Variants in FAM185A observed in about 807,000 individuals in gnomAD.
FAM185A encodes protein FAM185A.
In FAM185A, 21 loss-of-function variants were observed where a neutral mutation model predicts 45.7. That is an observed-to-expected ratio of 0.46 (90% CI 0.33 to 0.66). The LOEUF (loss-of-function observed/expected upper bound fraction) is 0.66, where lower values mean the gene tolerates loss of function less well. Among genes scored for constraint, FAM185A ranks in the 30% least tolerant of loss-of-function variants. The pLI is 0.03. For missense variants in FAM185A, 305 were observed against 485.4 expected (o/e 0.63, Z 3.49); for synonymous variants, 117 against 194.0 (o/e 0.60, Z 3.30).
chr7:102,820,485 T>A, the FAM185A span, among the ~76,000 whole-genome samples: 1 of 152,220 alleles, frequency 6.6e-6, no homozygotes, highest in African/African-American at 2.4e-5. Context: ...GTATATTTTT[T>A]AAATCTAGGG....
chr7:102,763,151 C>CA (rs1794205194), intron 4 of FAM185A, among the ~76,000 whole-genome samples: 2 of 151,466 alleles, frequency 1.3e-5, no homozygotes, highest in African/African-American at 4.9e-5. Context: ...TACAGTTTAT[C>CA]ATTAATTGCC....
chr7:102,823,281 T>A, the FAM185A span, among the ~76,000 whole-genome samples: 1 of 152,150 alleles, frequency 6.6e-6, no homozygotes, highest in Non-Finnish European at 1.5e-5. Flanking sequence ...TTTAATAACA[T>A]TACATGCTAC....
the FAM185A span, among the ~76,000 whole-genome samples, chr7:102,847,872 C>T: frequency 6.6e-6 from 1 of 152,098 alleles, no homozygotes; most frequent in Non-Finnish European, 1.5e-5. Context: ...TGACCATCAT[C>T]TATTGGTTTT....
the FAM185A span, among the ~76,000 whole-genome samples, chr7:102,838,458 AT>A: frequency 6.7e-6 from 1 of 150,284 alleles, no homozygotes. Flanking sequence ...TAAAAAAAAA[AT>A]TTTTTTTTTG....
At chr7:102,753,493 T>C (rs1393732457) in intron 2 of FAM185A, among the ~76,000 whole-genome samples, 1 of 152,134 alleles carries the variant, frequency 6.6e-6, no homozygotes, top group East Asian at 1.9e-4. Flanking sequence ...TCTTGTGCAG[T>C]ATAGGATATT....
chr7:102,846,029 G>A, the FAM185A span, among the ~76,000 whole-genome samples: 1 of 152,042 alleles, frequency 6.6e-6, no homozygotes, highest in African/African-American at 2.4e-5. Flanking sequence ...TTGTAAAATG[G>A]AATTAAAAGT....
chr7:102,843,507 G>A, the FAM185A span, among the ~76,000 whole-genome samples: 2 of 152,248 alleles, frequency 1.3e-5, no homozygotes, highest in South Asian at 4.2e-4. Context: ...GGGTACGGTG[G>A]CTCACGTCTG....
At chr7:102,823,521 T>C in the FAM185A span, among the ~76,000 whole-genome samples, 1,654 of 152,288 alleles carry the variant, frequency 0.011, 35 homozygotes, top group African/African-American at 0.038. Context: ...GGTTCCAACA[T>C]ATCACAGTTT....
chr7:102,844,133 C>T, the FAM185A span, among the ~76,000 whole-genome samples: 2 of 152,234 alleles, frequency 1.3e-5, no homozygotes, highest in Non-Finnish European at 2.9e-5. Context: ...ATACTACCCA[C>T]TGCATTCTGG....
At chr7:102,849,214 T>C in the FAM185A span, among the ~76,000 whole-genome samples, 1 of 152,220 alleles carries the variant, frequency 6.6e-6, no homozygotes, top group African/African-American at 2.4e-5. Context: ...ATCAAACATC[T>C]TCTCCAAAAT....
intron 7 of FAM185A, among the ~76,000 whole-genome samples, chr7:102,804,143 A>C (rs1473732874): frequency 6.6e-6 from 1 of 152,194 alleles, no homozygotes; most frequent in Admixed American, 6.5e-5. Flanking sequence ...AATCCCCATC[A>C]AAAAACCACC....
intron 7 of FAM185A, among the ~76,000 whole-genome samples, chr7:102,802,733 C>CAAAA (rs992120133): frequency 1.3e-5 from 2 of 151,042 alleles, no homozygotes; most frequent in South Asian, 2.1e-4. Context: ...AACAAACAAA[C>CAAAA]AAAAAAATAC....
At chr7:102,834,090 G>GGAAGGAAGGAAGGAAAGA in the FAM185A span, among the ~76,000 whole-genome samples, 13 of 70,458 alleles carry the variant, frequency 1.8e-4, no homozygotes, top group South Asian at 1.0e-3. Context: ...GGAAAGAAAA[G>GGAAGGAAGGAAGGAAAGA]AAAGAAAGAA....
At chr7:102,826,813 G>A in the FAM185A span, among the ~76,000 whole-genome samples, 3 of 123,744 alleles carry the variant, frequency 2.4e-5, no homozygotes, top group African/African-American at 8.6e-5. Context: ...TCTAATAAAT[G>A]TATCTTATAT....
the FAM185A span, among the ~76,000 whole-genome samples, chr7:102,842,918 G>A: frequency 1.3e-5 from 2 of 152,324 alleles, no homozygotes; most frequent in Non-Finnish European, 2.9e-5. Context: ...CAAATGAACA[G>A]CAATGACTGT....
chr7:102,815,660 T>C, the FAM185A span, among the ~76,000 whole-genome samples: 1 of 152,084 alleles, frequency 6.6e-6, no homozygotes, highest in Non-Finnish European at 1.5e-5. Flanking sequence ...AGGAAATGCT[T>C]GTTTTAGGGA....
chr7:102,786,657 A>G (rs1380487476), intron 6 of FAM185A, among the ~76,000 whole-genome samples: 2 of 152,194 alleles, frequency 1.3e-5, no homozygotes, highest in Non-Finnish European at 2.9e-5. Flanking sequence ...GAAGGGGAAC[A>G]TCACACACCG....
At chr7:102,822,418 G>A in the FAM185A span, 1 of 666,494 alleles carries the variant, frequency 1.5e-6, no homozygotes, top group Non-Finnish European at 2.8e-6. Context: ...CTCCTTATTT[G>A]CAGATGCCTC....
At chr7:102,829,303 G>T in the FAM185A span, among the ~76,000 whole-genome samples, 4 of 152,172 alleles carry the variant, frequency 2.6e-5, no homozygotes, top group African/African-American at 9.7e-5. Flanking sequence ...ATATGAATGT[G>T]TCCTGTCTCA....
Sources: allele counts gnomAD v4.1 joint callset (sites outside exome capture counted in the v4.1 genomes callset), GRCh38; gene constraint gnomAD v4.1.1; transcripts MANE v1.5; gene names NCBI Gene and HGNC (gene_info 2026-07-23, HGNC 2026-07-21).